CD52: variants seen among roughly 807,000 people sequenced by gnomAD.
CD52 encodes CAMPATH-1 antigen.
In CD52, 2 loss-of-function variants were observed where a neutral mutation model predicts 2.5. The ratio of observed to expected loss-of-function variants is 0.79; its 90% CI spans 0.32 to 2.48. The LOEUF is 2.48. Among genes scored for constraint, CD52 ranks in the 30% most tolerant of loss-of-function variants. The pLI, the probability that CD52 is intolerant of heterozygous loss-of-function variation, is 0.11. For missense variants in CD52, 62 were observed against 75.8 expected (o/e 0.82, Z 0.68); for synonymous variants, 24 against 27.7 (o/e 0.87, Z 0.42).
rs995980945 is a variant in CD52 at position 26,320,474 on chromosome 1, G to A, written c.*172G>A. On this transcript the variant is annotated 3_prime_UTR_variant, in exon 2 of 2. Transcript: ENST00000374213. ...CAAAATAGGGGGGTAATGATGTAGG[G>A]GCCAAGCAGTGCCCAGCTGGGGGTC... 3.8e-6 allele frequency: 3 copies of A among 779,592 alleles called. No individual in the cohort carries two copies. Among genetic ancestry groups the A allele is most frequent in the Non-Finnish European group, 6.0e-6 (3 of 502,572 alleles). 48.3% of individuals were successfully genotyped at this position (779,592 alleles called of 1,614,324 possible). A position where few individuals can be genotyped will look rare whatever the true frequency, so the allele number is the denominator to read the frequency against.
At chr1:26,318,109 A>C in intron 1 of CD52, 38 bp downstream of exon 1, 1 of 1,589,326 alleles carries the variant, frequency 6.3e-7, no homozygotes, top group East Asian at 2.2e-5. Context: ...AGGACTCCCC[A>C]AAGTTGCTTG....
chr1:26,318,170 C>T, intron 1 of CD52, 99 bp downstream of exon 1: 3 of 1,010,062 alleles, frequency 3.0e-6, no homozygotes, highest in Non-Finnish European at 4.7e-6. Context: ...CCAGCCTTCT[C>T]TCCTGAGAGC....
chr1:26,320,197 C>T lies in CD52; in HGVS notation c.81C>T (p.Asn27=), dbSNP rs770977151. The T allele has an allele frequency of 2.3e-5, 37 of 1,613,630 alleles. No homozygotes were observed. Among genetic ancestry groups the T allele is most frequent in the Middle Eastern group, 3.3e-4 (2 of 6,058 alleles). Residue 27 remains asparagine, a synonymous_variant, in exon 2 of 2, where the codon AAC becomes AAT. Coordinates refer to ENST00000374213, the MANE Select transcript of CD52 (RefSeq NM_001803.3). ...TACAAACTGGACTCTCAGGACAAAA[C>T]GACACCAGCCAAACCAGCAGCCCCT... ...VQIQTGLSGQ[N]DTSQTSSPSA... is the part of the protein sequence containing the mutation.
chr1:26,319,527 T>A (rs534640579), intron 1 of CD52, among the ~76,000 whole-genome samples: 180 of 144,504 alleles, frequency 1.2e-3, no homozygotes, highest in Non-Finnish European at 2.1e-3. Flanking sequence ...ACTCGGGAGG[T>A]TGAGGGGTGG....
chr1:26,320,471 A>C lies in CD52; in HGVS notation c.*169A>C. 2.5e-6 allele frequency: 2 copies of C among 811,816 alleles called. No homozygotes were observed. Among genetic ancestry groups the C allele is most frequent in the Non-Finnish European group, 3.8e-6 (2 of 527,924 alleles). The allele number at this position is 811,816 out of a possible 1,614,324, so 50.3% of individuals were successfully genotyped here. On this transcript the variant is annotated 3_prime_UTR_variant, in exon 2 of 2. Coordinates refer to ENST00000374213, the MANE Select transcript of CD52 (RefSeq NM_001803.3). Reference sequence around the variant, plus strand: ...AGCCAAAATAGGGGGGTAATGATGTAGGGGCCAAGCAGTGCCCAGCTGGGG... The same window carrying C: ...AGCCAAAATAGGGGGGTAATGATGTCGGGGCCAAGCAGTGCCCAGCTGGGG...
intron 1 of CD52, among the ~76,000 whole-genome samples, chr1:26,319,719 T>C (rs934295649): frequency 5.3e-5 from 8 of 152,010 alleles, no homozygotes; most frequent in Admixed American, 2.0e-4. Flanking sequence ...GTGGAAGAAG[T>C]AGTGGTCACA....
Position 26,318,089 on chromosome 1 carries a change from C to A in CD52, c.54+18C>A. ...TGGTACAGGTAAGAGCAACGCCTGG[C>A]ACCACTGCCAGGACTCCCCAAAGTT... On this transcript the variant is annotated intron_variant, in intron 1 of 1. Transcript: ENST00000374213. 6.2e-7 allele frequency: 1 copy of A among 1,611,872 alleles called. No individual in the cohort carries two copies. Among genetic ancestry groups the A allele is most frequent in the Non-Finnish European group, 8.5e-7 (1 of 1,177,938 alleles).
rs371901792 is a variant in CD52 at position 26,318,029 on chromosome 1, C to T, written c.12C>T (p.Phe4=). 12 of 1,614,206 alleles carry T rather than the reference C, an allele frequency of 7.4e-6. No individual in the cohort carries two copies. The East Asian group carries it at 1.6e-4, about 21-fold the overall frequency. ...AAGATCCTACCAAAATGAAGCGCTT[C>T]CTCTTCCTCCTACTCACCATCAGCC... MKR[F]LFLLLTISLL... is the part of the protein sequence containing the mutation. The change falls in exon 1 of 2, where the codon TTC becomes TTT. Residue 4 remains phenylalanine (F), a synonymous_variant. Transcript: ENST00000374213.
chr1:26,319,623 G>A (rs115426077), intron 1 of CD52, among the ~76,000 whole-genome samples: 2,185 of 152,092 alleles, frequency 0.014, 50 homozygotes, highest in African/African-American at 0.05. Context: ...GAAAGTTTCT[G>A]TGAAAGGGGG....
intron 1 of CD52, chr1:26,318,628 G>A (rs1445381888): frequency 6.5e-6 from 1 of 153,104 alleles, no homozygotes; most frequent in Non-Finnish European, 1.5e-5. Flanking sequence ...AGGCAGCTTT[G>A]GTAGCATCCC....
At chr1:26,320,120 TAAAAA>T in intron 1 of CD52, 46 bp from the exon 2 acceptor site, 4 of 1,441,250 alleles carry the variant, frequency 2.8e-6, no homozygotes, top group East Asian at 2.4e-5. Flanking sequence ...ACTCCACCTC[TAAAAA>T]AAAAAAAAAA....
In CD52 at chr1:26,320,433, C is replaced by T; in HGVS notation, c.*131C>T. ...AGGTTGTAGAAGTTGACAGGCAGTG[C>T]CATGGGGGCAACAGCCAAAATAGGG... On this transcript the variant is annotated 3_prime_UTR_variant, in exon 2 of 2. Transcript: ENST00000374213. 3.1e-6 allele frequency: 4 copies of T among 1,277,882 alleles called. No homozygotes were observed. Among genetic ancestry groups the T allele is most frequent in the Non-Finnish European group, 4.3e-6 (4 of 936,224 alleles). The allele number at this position is 1,277,882 out of a possible 1,614,324, so 79.2% of individuals were successfully genotyped here.
chr1:26,320,311 G>T lies in CD52; in HGVS notation c.*9G>T, dbSNP rs766360443. On this transcript the variant is annotated 3_prime_UTR_variant, in exon 2 of 2. Coordinates refer to ENST00000374213, the MANE Select transcript of CD52 (RefSeq NM_001803.3). ...TCTTCTGCTTCAGTTGAGGTGACACGTCTCAGCCTTAGCCCTGTGCCCCCT... is the reference window on the plus strand; with the variant it reads ...TCTTCTGCTTCAGTTGAGGTGACACTTCTCAGCCTTAGCCCTGTGCCCCCT... 6.2e-7 allele frequency: 1 copy of T among 1,609,338 alleles called. No individual in the cohort carries two copies. The highest frequency in any genetic ancestry group is 1.7e-5 in the Admixed American group (1 of 58,658).
chr1:26,320,436 T>TG lies in CD52; in HGVS notation c.*139dup. 8.0e-7 allele frequency: 1 copy of TG among 1,245,340 alleles called. No individual in the cohort carries two copies. Among genetic ancestry groups the TG allele is most frequent in the Non-Finnish European group, 1.1e-6 (1 of 907,016 alleles). 77.1% of individuals were successfully genotyped at this position (1,245,340 alleles called of 1,614,324 possible). Reference sequence around the variant, plus strand: ...TTGTAGAAGTTGACAGGCAGTGCCATGGGGGCAACAGCCAAAATAGGGGGG... The same window carrying TG: ...TTGTAGAAGTTGACAGGCAGTGCCATGGGGGGCAACAGCCAAAATAGGGGGG... On this transcript the variant is annotated 3_prime_UTR_variant, in exon 2 of 2. Coordinates refer to ENST00000374213, the MANE Select transcript of CD52 (RefSeq NM_001803.3).
rs1405962485 is a variant in CD52 at position 26,318,042 on chromosome 1, C to G, written c.25C>G (p.Leu9Val). Residue 9 changes from leucine to valine, a missense_variant, in exon 1 of 2, where the codon CTC (leucine) becomes GTC (valine). Transcript: ENST00000374213. MKRFLFLLLTISLLVMVQI... is the reference protein window; with the variant it reads MKRFLFLLVTISLLVMVQI... ...AATGAAGCGCTTCCTCTTCCTCCTA[C>G]TCACCATCAGCCTCCTGGTTATGGT... 1 of 1,614,210 alleles carries G rather than the reference C, an allele frequency of 6.2e-7. No individual in the cohort carries two copies. Among genetic ancestry groups the G allele is most frequent in the Non-Finnish European group, 8.5e-7 (1 of 1,180,016 alleles).
chr1:26,318,032 C>T lies in CD52; in HGVS notation c.15C>T (p.Leu5=), dbSNP rs752492471. The T allele has an allele frequency of 1.3e-5, 21 of 1,614,214 alleles. No individual in the cohort carries two copies. The Admixed American group carries it at 3.3e-4, about 26-fold the overall frequency. Residue 5 remains leucine, a synonymous_variant, in exon 1 of 2, where the codon CTC becomes CTT. Coordinates refer to ENST00000374213, the MANE Select transcript of CD52 (RefSeq NM_001803.3). MKRF[L]FLLLTISLLV... ...ATCCTACCAAAATGAAGCGCTTCCT[C>T]TTCCTCCTACTCACCATCAGCCTCC...
At chr1:26,319,879 T>C (rs1330022802) in intron 1 of CD52, among the ~76,000 whole-genome samples, 1 of 151,972 alleles carries the variant, frequency 6.6e-6, no homozygotes, top group Non-Finnish European at 1.5e-5. Flanking sequence ...CCCAGTACTT[T>C]GGGAGGCCGA....
At chr1:26,318,120 G>A (rs755913694) in intron 1 of CD52, 49 bp downstream of exon 1, 1 of 1,530,538 alleles carries the variant, frequency 6.5e-7, no homozygotes, top group South Asian at 1.1e-5. Flanking sequence ...AAGTTGCTTG[G>A]CATGGAGGGA....
At chr1:26,319,534 G>T (rs1267265899) in intron 1 of CD52, among the ~76,000 whole-genome samples, 1 of 151,866 alleles carries the variant, frequency 6.6e-6, no homozygotes, top group Non-Finnish European at 1.5e-5. Context: ...AGGTTGAGGG[G>T]TGGAGGTTGC....
Sources: gnomAD v4.1 joint callset for allele counts (sites outside exome capture counted in the v4.1 genomes callset) on GRCh38, gnomAD v4.1.1 for gene constraint, MANE v1.5 for transcripts, NCBI Gene and HGNC (gene_info 2026-07-23, HGNC 2026-07-21) for gene names.